The following FGF7 variants were observed in gnomAD, a reference collection of about 807,000 sequenced individuals.
FGF7 encodes the protein FGF-7.
Under a neutral mutation model 20.5 loss-of-function variants are expected in FGF7, and 6 were observed. That is an observed-to-expected ratio of 0.29 (90% CI 0.16 to 0.58). FGF7 has a LOEUF of 0.58. Ranked by LOEUF, FGF7 falls within the 20% of genes least tolerant of loss-of-function variation. FGF7 has a pLI of 0.90. For synonymous variants in FGF7, 64 were observed against 74.7 expected (o/e 0.86, Z 0.74); for missense variants, 144 against 228.8 (o/e 0.63, Z 2.39).
At chr15:49,425,341 T>C (rs1013005446) in intron 2 of FGF7, 5 of 152,042 alleles carry the variant, frequency 3.3e-5, no homozygotes, top group Non-Finnish European at 7.4e-5. Context: ...AAGAATCAGT[T>C]ATTCTTCTTA....
At chr15:49,430,072 G>A (rs2050460669) in intron 2 of FGF7, among the ~76,000 whole-genome samples, 1 of 151,870 alleles carries the variant, frequency 6.6e-6, no homozygotes, top group Non-Finnish European at 1.5e-5. Context: ...TCTGAATTAT[G>A]CACCAAGAGG....
chr15:49,428,362 T>C (rs963702574), intron 2 of FGF7, among the ~76,000 whole-genome samples: 4 of 151,974 alleles, frequency 2.6e-5, no homozygotes, highest in Non-Finnish European at 4.4e-5. Flanking sequence ...ACATTCAAAA[T>C]GAAGTAAATA....
chr15:49,477,060 G>GGAA (rs1555500554), intron 2 of FGF7, among the ~76,000 whole-genome samples: 88 of 130,608 alleles, frequency 6.7e-4, no homozygotes, highest in African/African-American at 2.4e-3. Flanking sequence ...ACTCTGTCTC[G>GGAA]AAAAAAAAAA....
At chr15:49,469,848 C>G (rs928728473) in intron 2 of FGF7, among the ~76,000 whole-genome samples, 1 of 151,962 alleles carries the variant, frequency 6.6e-6, no homozygotes, top group African/African-American at 2.4e-5. Flanking sequence ...TTTTACGACT[C>G]TAAGAAGTCA....
chr15:49,423,435 A>T lies in FGF7; in HGVS notation c.-272A>T, dbSNP rs897157724. ...CTTATATATCCAGCTGTTAGCAACAAAACAAGTAAGTTACTGTTATTTGTC... is the reference window on the plus strand; with the variant it reads ...CTTATATATCCAGCTGTTAGCAACATAACAAGTAAGTTACTGTTATTTGTC... On this transcript the variant is annotated 5_prime_UTR_variant, in exon 1 of 4. It introduces an in-frame stop codon into an upstream open reading frame of the 5' UTR. Coordinates refer to ENST00000267843, the MANE Select transcript of FGF7 (RefSeq NM_002009.4). 2 of 152,330 alleles carry T rather than the reference A, an allele frequency of 1.3e-5. No individual in the cohort carries two copies. The highest frequency in any genetic ancestry group is 4.1e-4 in the South Asian group (2 of 4,834). 9.4% of individuals were successfully genotyped at this position (152,330 alleles called of 1,614,324 possible). A position where few individuals can be genotyped will look rare whatever the true frequency, so the allele number is the denominator to read the frequency against.
At chr15:49,447,153 T>C (rs2413945) in intron 2 of FGF7, among the ~76,000 whole-genome samples, 140,377 of 151,598 alleles carry the variant, frequency 0.93, 65,979 homozygotes, top group East Asian at 1. Flanking sequence ...AAAAAGTATT[T>C]CTTGTAATAA....
At chr15:49,434,262 A>G (rs900637604) in intron 2 of FGF7, 7 of 151,622 alleles carry the variant, frequency 4.6e-5, no homozygotes, top group African/African-American at 1.7e-4. Context: ...TAATGAAGAT[A>G]TGCAAAATTT....
chr15:49,452,283 C>A (rs1474302653), intron 2 of FGF7, among the ~76,000 whole-genome samples: 5 of 152,092 alleles, frequency 3.3e-5, no homozygotes, highest in African/African-American at 1.2e-4. Flanking sequence ...GAACTCCTGA[C>A]CTCAAGTTAT....
intron 2 of FGF7, among the ~76,000 whole-genome samples, chr15:49,440,259 T>C (rs888682234): frequency 9.2e-5 from 14 of 151,780 alleles, no homozygotes; most frequent in Non-Finnish European, 1.8e-4. Context: ...TCCTTCTGTT[T>C]ATACACTCTT....
chr15:49,424,231 G>A lies in FGF7; in HGVS notation c.-67G>A. 7.2e-7 allele frequency: 1 copy of A among 1,394,944 alleles called. No homozygotes were observed. Among genetic ancestry groups the A allele is most frequent in the Non-Finnish European group, 1.0e-6 (1 of 997,906 alleles). 86.4% of individuals were successfully genotyped at this position (1,394,944 alleles called of 1,614,324 possible). A position where few individuals can be genotyped will look rare whatever the true frequency, so the allele number is the denominator to read the frequency against. On this transcript the variant is annotated 5_prime_UTR_variant, in exon 2 of 4. Coordinates refer to ENST00000267843, the MANE Select transcript of FGF7 (RefSeq NM_002009.4). ...AGATAGGAAGAGGTCAATGACCTAG[G>A]AGTAACAATCAACTCAAGATTCATT... is the stretch of plus-strand genomic sequence containing the variant.
intron 2 of FGF7, among the ~76,000 whole-genome samples, chr15:49,450,054 C>T (rs1211005420): frequency 1.3e-5 from 2 of 151,968 alleles, no homozygotes; most frequent in Non-Finnish European, 2.9e-5. Flanking sequence ...AATGCATGTG[C>T]CAAAGTTGTA....
intron 2 of FGF7, among the ~76,000 whole-genome samples, chr15:49,469,258 CA>C (rs1365911849): frequency 6.6e-6 from 1 of 152,044 alleles, no homozygotes; most frequent in Non-Finnish European, 1.5e-5. Context: ...TTTAGAGAAA[CA>C]TTTCTTGGTT....
intron 2 of FGF7, among the ~76,000 whole-genome samples, chr15:49,459,066 C>T (rs1175740040): frequency 6.6e-6 from 1 of 152,156 alleles, no homozygotes; most frequent in Non-Finnish European, 1.5e-5. Flanking sequence ...ATATATCTTC[C>T]TTCTCTAGTG....
intron 2 of FGF7, among the ~76,000 whole-genome samples, chr15:49,470,910 C>T (rs2054680515): frequency 6.6e-6 from 1 of 152,140 alleles, no homozygotes; most frequent in Admixed American, 6.5e-5. Flanking sequence ...GGAGAAATTC[C>T]AGGATGTAAG....
At chr15:49,464,892 G>T (rs1460212615) in intron 2 of FGF7, among the ~76,000 whole-genome samples, 1 of 152,054 alleles carries the variant, frequency 6.6e-6, no homozygotes, top group South Asian at 2.1e-4. Flanking sequence ...AATGAATAAC[G>T]TAAGACATAC....
intron 2 of FGF7, among the ~76,000 whole-genome samples, chr15:49,459,104 TTC>T (rs1246200764): frequency 1.3e-5 from 2 of 152,192 alleles, no homozygotes; most frequent in Admixed American, 1.3e-4. Context: ...ACTGAATATC[TTC>T]TGAGTTTCCC....
chr15:49,463,541 A>T (rs2053990110), intron 2 of FGF7, among the ~76,000 whole-genome samples: 1 of 130,926 alleles, frequency 7.6e-6, no homozygotes. Flanking sequence ...ACACAGTGAG[A>T]TTCCGTCTCA....
intron 2 of FGF7, among the ~76,000 whole-genome samples, chr15:49,428,460 A>T (rs2050312281): frequency 6.6e-6 from 1 of 151,896 alleles, no homozygotes. Flanking sequence ...TGTTGTCAGA[A>T]CTCTCCCCAT....
intron 2 of FGF7, among the ~76,000 whole-genome samples, chr15:49,447,339 T>C (rs1329951583): frequency 2.0e-5 from 3 of 151,568 alleles, no homozygotes; most frequent in Non-Finnish European, 3.0e-5. Flanking sequence ...TAGAGGTAAA[T>C]ACATTTTGAG....
Sources: gnomAD v4.1 joint callset for allele counts (sites outside exome capture counted in the v4.1 genomes callset) on GRCh38, gnomAD v4.1.1 for gene constraint, MANE v1.5 for transcripts, NCBI Gene and HGNC (gene_info 2026-07-23, HGNC 2026-07-21) for gene names.